Variants in SLC12A7 observed in about 807,000 individuals in gnomAD.
SLC12A7 encodes the protein K-Cl cotransporter 4.
A neutral mutation model predicts 120.6 loss-of-function variants in SLC12A7; 100 were observed. The observed-to-expected ratio is 0.83, with a 90% CI of 0.71 to 0.98. The LOEUF is 0.98. Among genes scored for constraint, SLC12A7 ranks in the 50% least tolerant of loss-of-function variants. The pLI, the probability that SLC12A7 is intolerant of heterozygous loss-of-function variation, is 0.00. For missense variants in SLC12A7, 1,373 were observed against 1,548.1 expected, an observed-to-expected ratio of 0.89 and a Z score of 1.90; for synonymous variants, 760 against 678.0, an observed-to-expected ratio of 1.12 and a Z score of -1.88.
At chr5:1,074,464 G>A in intron 16 of SLC12A7, 103 bp downstream of exon 16, 4 of 1,075,746 alleles carry the variant, frequency 3.7e-6, no homozygotes, top group Non-Finnish European at 5.5e-6. Context: ...CTGAGCGGCT[G>A]AAGGTGAGAG....
the SLC12A7 span, among the ~76,000 whole-genome samples, chr5:1,123,039 C>T: frequency 2.6e-5 from 4 of 152,240 alleles, no homozygotes; most frequent in African/African-American, 7.2e-5. Context: ...GGGGTGGCTA[C>T]GCCAGCATCA....
At chr5:1,077,705 A>C in intron 12 of SLC12A7, 128 bp downstream of exon 12, 1 of 981,760 alleles carries the variant, frequency 1.0e-6, no homozygotes, top group Non-Finnish European at 1.5e-6. Flanking sequence ...GGCCAGGGGC[A>C]GAATGACCAC....
chr5:1,130,753 AC>A, the SLC12A7 span, among the ~76,000 whole-genome samples: 4 of 152,250 alleles, frequency 2.6e-5, no homozygotes, highest in South Asian at 8.3e-4. Context: ...TGCCAGGGAA[AC>A]CCAGCACAGA....
intron 17 of SLC12A7, among the ~76,000 whole-genome samples, chr5:1,067,228 C>G (rs1737148985): frequency 6.6e-6 from 1 of 152,202 alleles, no homozygotes; most frequent in Admixed American, 6.5e-5. Context: ...TTGTTTAGGT[C>G]AGGAAAGGCC....
intron 8 of SLC12A7, among the ~76,000 whole-genome samples, chr5:1,082,000 G>A (rs1446334377): frequency 6.7e-6 from 1 of 149,820 alleles, no homozygotes; most frequent in Admixed American, 6.6e-5. Flanking sequence ...TGGAAAGCCT[G>A]GGCTTCCCGT....
At chr5:1,090,077 C>T (rs1740323493) in intron 3 of SLC12A7, among the ~76,000 whole-genome samples, 1 of 152,256 alleles carries the variant, frequency 6.6e-6, no homozygotes, top group Admixed American at 6.5e-5. Flanking sequence ...TCAGAACAGG[C>T]CCCGTGCGGG....
Position 1,103,431 on chromosome 5 carries a change from T to TCACATGCACAGAGACATGCATGTGTA in SLC12A7, c.124+8411_124+8436dup, listed in dbSNP as rs750930547. Among the ~76,000 whole-genome samples, 125 of 151,948 alleles carry TCACATGCACAGAGACATGCATGTGTA rather than the reference T, an allele frequency of 8.2e-4. 1 individual carries two copies. The highest frequency in any genetic ancestry group is 3.4e-3 in the Middle Eastern group (1 of 294). On this transcript the variant is annotated intron_variant, in intron 1 of 23. Transcript: ENST00000264930. Reference sequence around the variant, plus strand: ...AACACACGCCACAGAAAATATACACTCACATGCACAGAGACATGCATGTGT... The same window carrying TCACATGCACAGAGACATGCATGTGTA: ...AACACACGCCACAGAAAATATACACTCACATGCACAGAGACATGCATGTGTACACATGCACAGAGACATGCATGTGT...
intron 3 of SLC12A7, among the ~76,000 whole-genome samples, chr5:1,092,642 A>C (rs1024733311): frequency 6.6e-6 from 1 of 152,184 alleles, no homozygotes; most frequent in African/African-American, 2.4e-5. Flanking sequence ...CTGACTCGGG[A>C]AATGACAATT....
chr5:1,076,495 T>C (rs58659734), intron 13 of SLC12A7, among the ~76,000 whole-genome samples, 199 bp downstream of exon 13: 1,461 of 136,854 alleles, frequency 0.011, 25 homozygotes, highest in African/African-American at 0.037. Context: ...ACACTGTCCC[T>C]GGCTGACCCC....
chr5:1,088,847 G>C, intron 4 of SLC12A7, 135 bp downstream of exon 4: 1 of 1,127,932 alleles, frequency 8.9e-7, no homozygotes, highest in Non-Finnish European at 1.3e-6. Flanking sequence ...GGCGTCTGGG[G>C]AGGGCCCTAC....
intron 3 of SLC12A7, among the ~76,000 whole-genome samples, chr5:1,091,865 C>T (rs1315211599): frequency 1.3e-5 from 2 of 152,254 alleles, no homozygotes; most frequent in South Asian, 2.1e-4. Flanking sequence ...CACCCAATTC[C>T]GCAGCGTCCA....
chr5:1,137,006 C>G, the SLC12A7 span, among the ~76,000 whole-genome samples: 1 of 151,872 alleles, frequency 6.6e-6, no homozygotes, highest in Non-Finnish European at 1.5e-5. Flanking sequence ...TGTGCACACA[C>G]ACCAACAGCA....
At chr5:1,102,130 AC>A (rs1742079278) in intron 1 of SLC12A7, among the ~76,000 whole-genome samples, 2 of 152,016 alleles carry the variant, frequency 1.3e-5, no homozygotes, top group African/African-American at 4.8e-5. Flanking sequence ...CTGTGTCCCC[AC>A]CCCGAGAGGG....
intron 5 of SLC12A7, 39 bp from the exon 6 acceptor site, chr5:1,087,072 A>C (rs1202010660): frequency 6.3e-7 from 1 of 1,583,726 alleles, no homozygotes; most frequent in Non-Finnish European, 8.6e-7. Flanking sequence ...TCAGGGGCGC[A>C]CTTGGACTCG....
In SLC12A7 at chr5:1,053,353, C is replaced by T; in HGVS notation, c.3156G>A (p.Glu1052=). ...PGPPKNRQGD[E]NYMEFLEVLT... is the part of the protein sequence containing the mutation. ...GCACACTGCAAGAAAGGATACAGTT[C>T]TCGTCTCCCTGCCGGTTTTTGGGAG... Residue 1052 remains glutamate, a synonymous_variant, in exon 23 of 24, where the codon GAG becomes GAA. Coordinates refer to ENST00000264930, the MANE Select transcript of SLC12A7 (RefSeq NM_006598.3). 1 of 1,613,748 alleles carries T rather than the reference C, an allele frequency of 6.2e-7. No individual in the cohort carries two copies. Among genetic ancestry groups the T allele is most frequent in the African/African-American group, 1.3e-5 (1 of 75,070 alleles).
intron 12 of SLC12A7, 78 bp downstream of exon 12, chr5:1,077,755 A>C: frequency 2.2e-6 from 3 of 1,395,236 alleles, no homozygotes; most frequent in South Asian, 1.4e-5. Context: ...CACACACGGC[A>C]CTGTGAGGAT....
Position 1,052,137 on chromosome 5 carries a change from G to C in SLC12A7, c.*223C>G, listed in dbSNP as rs905783828. On this transcript the variant is annotated 3_prime_UTR_variant, in exon 24 of 24. Coordinates refer to ENST00000264930, the MANE Select transcript of SLC12A7 (RefSeq NM_006598.3). ...AGCAGCGTCTGCCCTCAGATGCAAGGAAATCGTCCAGCCACGCCCTGATTT... is the reference window on the plus strand; with the variant it reads ...AGCAGCGTCTGCCCTCAGATGCAAGCAAATCGTCCAGCCACGCCCTGATTT... 1.4e-5 allele frequency: 8 copies of C among 578,948 alleles called. No homozygotes were observed. In the African/African-American group the frequency reaches 1.5e-4, roughly 11 times the overall value. 35.9% of individuals were successfully genotyped at this position (578,948 alleles called of 1,614,324 possible).
chr5:1,055,253 G>A (rs138109407), intron 22 of SLC12A7, among the ~76,000 whole-genome samples: 7 of 152,314 alleles, frequency 4.6e-5, no homozygotes, highest in East Asian at 3.9e-4. Context: ...GTGCAAATGC[G>A]TGCAGACACA....
At chr5:1,110,978 G>A (rs1269112737) in intron 1 of SLC12A7, among the ~76,000 whole-genome samples, 8 of 152,230 alleles carry the variant, frequency 5.3e-5, no homozygotes, top group African/African-American at 1.7e-4. Flanking sequence ...CACCGGACTT[G>A]TCCCTGGACA....
Sources: allele counts gnomAD v4.1 joint callset (sites outside exome capture counted in the v4.1 genomes callset), GRCh38; gene constraint gnomAD v4.1.1; transcripts MANE v1.5; gene names NCBI Gene and HGNC (gene_info 2026-07-23, HGNC 2026-07-21).